The following RYR3 variants were observed in gnomAD, a reference collection of about 807,000 sequenced individuals.
The protein encoded by RYR3 is ryanodine receptor 3, also known as brain ryanodine receptor-calcium release channel.
RYR3 carries 207 observed loss-of-function variants against 584.3 expected under a neutral mutation model. The ratio of observed to expected loss-of-function variants is 0.35; its 90% CI spans 0.32 to 0.40. The LOEUF (loss-of-function observed/expected upper bound fraction) is 0.40. Ranked by LOEUF, RYR3 falls within the 10% of genes least tolerant of loss-of-function variation. RYR3 has a pLI of 1.00. For synonymous variants in RYR3, 2,416 were observed against 2,248.5 expected (o/e 1.07, Z -2.11); for missense variants, 5,616 against 6,089.2 (o/e 0.92, Z 2.59).
intron 1 of RYR3, among the ~76,000 whole-genome samples, chr15:33,332,496 T>C (rs1458416218): frequency 6.6e-6 from 1 of 152,126 alleles, no homozygotes; most frequent in African/African-American, 2.4e-5. Context: ...GAATACATAC[T>C]ATTTTTAAGC....
At chr15:33,776,247 T>A (rs1345804524) in intron 64 of RYR3, among the ~76,000 whole-genome samples, 1 of 152,208 alleles carries the variant, frequency 6.6e-6, no homozygotes, top group Non-Finnish European at 1.5e-5. Flanking sequence ...GTACAGACAT[T>A]TCTTTTGGAA....
chr15:33,361,177 G>A (rs550862507), intron 1 of RYR3, among the ~76,000 whole-genome samples: 1 of 152,258 alleles, frequency 6.6e-6, no homozygotes. Flanking sequence ...CTTCCATGTA[G>A]ATAGTGAGAA....
At chr15:33,544,953 G>A (rs1253508254) in intron 8 of RYR3, among the ~76,000 whole-genome samples, 1 of 152,126 alleles carries the variant, frequency 6.6e-6, no homozygotes, top group African/African-American at 2.4e-5. Context: ...CTGTTCACTT[G>A]TGATTTGCCT....
chr15:33,513,762 C>G (rs917570818), intron 3 of RYR3, among the ~76,000 whole-genome samples: 45 of 152,298 alleles, frequency 3.0e-4, no homozygotes, highest in African/African-American at 9.6e-4. Flanking sequence ...TATTCCCACT[C>G]TCTGGTCCTT....
intron 23 of RYR3, among the ~76,000 whole-genome samples, 163 bp downstream of exon 23, chr15:33,631,456 C>T (rs1307586886): frequency 6.6e-6 from 1 of 152,162 alleles, no homozygotes; most frequent in South Asian, 2.1e-4. Flanking sequence ...CAGATAGAAG[C>T]CTGGTGAAGA....
intron 19 of RYR3, among the ~76,000 whole-genome samples, chr15:33,621,536 T>G (rs1436354842): frequency 6.6e-6 from 1 of 152,232 alleles, no homozygotes; most frequent in Admixed American, 6.5e-5. Flanking sequence ...CAATTTTGTT[T>G]TAATTTCATT....
chr15:33,865,294 A>G lies in RYR3; in HGVS notation c.*68A>G, dbSNP rs1212376018. ...CCATGAAATAAAGTCCCCTTTTTAC[A>G]GTTCTGCAACATATCTGAAATGTGA... On this transcript the variant is annotated 3_prime_UTR_variant, in exon 104 of 104. Coordinates refer to ENST00000634891, the MANE Select transcript of RYR3 (RefSeq NM_001036.6). The G allele has an allele frequency of 1.1e-5, 12 of 1,094,476 alleles. No individual in the cohort carries two copies. The highest frequency in any genetic ancestry group is 1.6e-5 in the Non-Finnish European group (12 of 733,162). The allele number at this position is 1,094,476 out of a possible 1,614,324, so 67.8% of individuals were successfully genotyped here. A position where few individuals can be genotyped will look rare whatever the true frequency, so the allele number is the denominator to read the frequency against.
chr15:33,523,932 A>G (rs1428932103), intron 3 of RYR3, among the ~76,000 whole-genome samples: 1 of 152,176 alleles, frequency 6.6e-6, no homozygotes, highest in African/African-American at 2.4e-5. Context: ...CTCTGGAGTC[A>G]GTGTCTTAAA....
chr15:33,632,149 A>G (rs1227109632), intron 23 of RYR3, among the ~76,000 whole-genome samples: 4 of 152,242 alleles, frequency 2.6e-5, no homozygotes, highest in African/African-American at 9.6e-5. Context: ...CCTGCATCTC[A>G]TGTTGCTCAG....
chr15:33,821,506 A>C lies in RYR3; in HGVS notation c.10916-17A>C. 1 of 1,613,606 alleles carries C rather than the reference A, an allele frequency of 6.2e-7. No individual in the cohort carries two copies. The highest frequency in any genetic ancestry group is 8.5e-7 in the Non-Finnish European group (1 of 1,179,530). The stretch of plus-strand genomic sequence containing the variant: ...ATCTGTTTCCTTGGTGATTCAATCG[A>C]ATCTTCACCATGGCAGGTGAGATGA... On this transcript the variant is annotated splice_polypyrimidine_tract_variant and intron_variant, in intron 79 of 103. Coordinates refer to ENST00000634891, the MANE Select transcript of RYR3 (RefSeq NM_001036.6).
chr15:33,552,852 C>T lies in RYR3; in HGVS notation c.972+2536C>T, dbSNP rs561863120. On this transcript the variant is annotated intron_variant, in intron 10 of 103. Transcript: ENST00000634891. ...GGCTTCCATGTGCCTGCTTAGTAAG[C>T]ATATTCTTGCCTTGCTTGGCACGGG... Among the ~76,000 whole-genome samples, 62 of 152,326 alleles carry T rather than the reference C, an allele frequency of 4.1e-4. 1 individual carries two copies. Among genetic ancestry groups the T allele is most frequent in the Admixed American group, 7.8e-4 (12 of 15,304 alleles).
At chr15:33,457,017 C>G (rs954565926) in intron 1 of RYR3, among the ~76,000 whole-genome samples, 2 of 151,980 alleles carry the variant, frequency 1.3e-5, no homozygotes, top group Non-Finnish European at 2.9e-5. Context: ...TGTAGATGAA[C>G]TATGGTTTTT....
At chr15:33,490,507 A>T (rs1290464476) in intron 2 of RYR3, among the ~76,000 whole-genome samples, 1 of 152,154 alleles carries the variant, frequency 6.6e-6, no homozygotes, top group African/African-American at 2.4e-5. Context: ...CTGAGGGTGG[A>T]ATAATTGATC....
Position 33,838,788 on chromosome 15 carries a change from G to A in RYR3, c.12808G>A (p.Gly4270Arg). 2 of 1,613,884 alleles carry A rather than the reference G, an allele frequency of 1.2e-6. No homozygotes were observed. Among genetic ancestry groups the A allele is most frequent in the Non-Finnish European group, 1.7e-6 (2 of 1,179,866 alleles). Reference sequence around the variant, plus strand: ...CACTGAACTAGTACACTTCATAAAGGGGGAGAAGGGAGATACAGATATCAT... The same window carrying A: ...CACTGAACTAGTACACTTCATAAAGAGGGAGAAGGGAGATACAGATATCAT... ...ITTELVHFIK[G>R]EKGDTDIMSD... Residue 4270 changes from glycine to arginine, a missense_variant, in exon 89 of 104, where the codon GGG (glycine) becomes AGG (arginine). By Grantham distance (125) the Gly-to-Arg change is moderately radical. Transcript: ENST00000634891.
At chr15:33,804,981 G>A (rs966893366) in intron 69 of RYR3, among the ~76,000 whole-genome samples, 1 of 152,202 alleles carries the variant, frequency 6.6e-6, no homozygotes, top group African/African-American at 2.4e-5. Context: ...GTTACTACTT[G>A]ATTAGTTGAA....
At chr15:33,340,979 T>C (rs1178824705) in intron 1 of RYR3, among the ~76,000 whole-genome samples, 2 of 152,160 alleles carry the variant, frequency 1.3e-5, no homozygotes, top group African/African-American at 4.8e-5. Flanking sequence ...CCTGTACCTG[T>C]AGGGCTTGTT....
At chr15:33,593,231 A>G (rs571741781) in intron 16 of RYR3, among the ~76,000 whole-genome samples, 32 of 152,074 alleles carry the variant, frequency 2.1e-4, no homozygotes, top group South Asian at 8.3e-4. Flanking sequence ...TGTGAGGGCT[A>G]AAGACATTTT....
intron 5 of RYR3, among the ~76,000 whole-genome samples, chr15:33,536,841 T>C (rs1248945876): frequency 1.3e-5 from 2 of 152,214 alleles, no homozygotes; most frequent in Admixed American, 6.5e-5. Context: ...TACTTTCAGC[T>C]CTTTTAGTAT....
At chr15:33,764,763 G>T (rs1217787756) in intron 60 of RYR3, among the ~76,000 whole-genome samples, 1 of 152,116 alleles carries the variant, frequency 6.6e-6, no homozygotes, top group Non-Finnish European at 1.5e-5. Flanking sequence ...ACTGGACACG[G>T]TGGCTCATGC....
Sources: allele counts gnomAD v4.1 joint callset (sites outside exome capture counted in the v4.1 genomes callset), GRCh38; gene constraint gnomAD v4.1.1; transcripts MANE v1.5; gene names NCBI Gene and HGNC (gene_info 2026-07-23, HGNC 2026-07-21).